Variants in KLF7 observed in about 807,000 individuals in gnomAD.
KLF7 encodes the protein KLF transcription factor 7, also known as Krueppel-like factor 7.
KLF7 carries 2 observed loss-of-function variants against 27.3 expected under a neutral mutation model. That is an observed-to-expected ratio of 0.07 (90% confidence interval 0.03 to 0.23). The LOEUF is 0.23. KLF7 is among the 10% of genes least tolerant of loss of function. The pLI, the probability that KLF7 is intolerant of heterozygous loss-of-function variation, is 1.00. For synonymous variants in KLF7, 165 were observed against 162.4 expected (o/e 1.02, Z -0.12); for missense variants, 221 against 394.1 (o/e 0.56, Z 3.72).
intron 2 of KLF7, among the ~76,000 whole-genome samples, chr2:207,106,952 A>C (rs1267324145): frequency 1.3e-5 from 2 of 152,108 alleles, no homozygotes; most frequent in African/African-American, 4.8e-5. Flanking sequence ...CAGCTTGGTC[A>C]CTTATAAGCT....
upstream of KLF7, among the ~76,000 whole-genome samples, chr2:207,167,643 TGTATGA>T (rs1021258352): frequency 5.9e-5 from 9 of 152,246 alleles, no homozygotes; most frequent in African/African-American, 9.6e-5. Context: ...TAGCATTCAT[TGTATGA>T]GTATAATTGG....
chr2:207,075,555 T>C lies in KLF7; in HGVS notation c.*5658A>G, dbSNP rs963942848. On this transcript the variant is annotated 3_prime_UTR_variant, in exon 4 of 4. Transcript: ENST00000309446. ...AGACACATCTGGCAAAAAGAAAATG[T>C]ATAGTGCAAAAATAAATTTATTCAA... The C allele has an allele frequency of 6.6e-6, 1 of 151,624 alleles. No individual in the cohort carries two copies. Among genetic ancestry groups the C allele is most frequent in the Non-Finnish European group, 1.5e-5 (1 of 67,960 alleles). The allele number at this position is 151,624 out of a possible 1,614,324, so 9.4% of individuals were successfully genotyped here.
At chr2:207,081,891 A>C (rs988456565) in intron 3 of KLF7, among the ~76,000 whole-genome samples, 1 of 150,294 alleles carries the variant, frequency 6.7e-6, no homozygotes, top group Non-Finnish European at 1.5e-5. Flanking sequence ...GGGTGCTCAC[A>C]GTTATTGAGT....
intron 2 of KLF7, among the ~76,000 whole-genome samples, chr2:207,105,431 A>G (rs1299657449): frequency 1.3e-5 from 2 of 152,214 alleles, no homozygotes; most frequent in African/African-American, 2.4e-5. Flanking sequence ...GGAGGGGAAC[A>G]TGGAAGCCCA....
At chr2:207,166,904 C>A, upstream of KLF7, 1 of 1,060,502 alleles carries the variant, frequency 9.4e-7, no homozygotes, top group Non-Finnish European at 1.2e-6. Flanking sequence ...TGCGCCCGCC[C>A]CCCGCTTGCG....
chr2:207,148,187 A>G (rs1241305565), intron 1 of KLF7, among the ~76,000 whole-genome samples: 1 of 152,216 alleles, frequency 6.6e-6, no homozygotes, highest in African/African-American at 2.4e-5. Flanking sequence ...GTGTTTTGTC[A>G]CATTCCTGAT....
chr2:207,079,710 A>C lies in KLF7; in HGVS notation c.*1503T>G, dbSNP rs1329029963. ...CAGAGTAAATGTGAGGCCTCTGTTAATCCTGGGGGTTCTAGGTCACAAGTC... is the reference window on the plus strand; with the variant it reads ...CAGAGTAAATGTGAGGCCTCTGTTACTCCTGGGGGTTCTAGGTCACAAGTC... On this transcript the variant is annotated 3_prime_UTR_variant, in exon 4 of 4. Coordinates refer to ENST00000309446, the MANE Select transcript of KLF7 (RefSeq NM_003709.4). The C allele has an allele frequency of 2.0e-5, 3 of 151,712 alleles. No individual in the cohort carries two copies. The highest frequency in any genetic ancestry group is 7.3e-5 in the African/African-American group (3 of 41,198). The allele number at this position is 151,712 out of a possible 1,614,324, so 9.4% of individuals were successfully genotyped here.
intron 2 of KLF7, among the ~76,000 whole-genome samples, chr2:207,091,193 A>T (rs1414512873): frequency 6.6e-6 from 1 of 152,202 alleles, no homozygotes; most frequent in Non-Finnish European, 1.5e-5. Flanking sequence ...ATTTTTTCCC[A>T]TTTCAAACTG....
chr2:207,166,192 T>G, upstream of KLF7: 2 of 985,444 alleles, frequency 2.0e-6, no homozygotes, highest in Non-Finnish European at 2.4e-6. Flanking sequence ...CGTGTGACCA[T>G]GTAAGGTAAA....
chr2:207,166,802 C>T (rs933619041), upstream of KLF7: 3 of 1,003,402 alleles, frequency 3.0e-6, no homozygotes, highest in Admixed American at 6.0e-5. Flanking sequence ...CCCGAACTCC[C>T]CACGGGCTGC....
At chr2:207,144,364 C>T (rs1313342881) in intron 1 of KLF7, among the ~76,000 whole-genome samples, 1 of 152,188 alleles carries the variant, frequency 6.6e-6, no homozygotes, top group Non-Finnish European at 1.5e-5. Flanking sequence ...CACTGTCAAT[C>T]ATTTTTCACT....
At chr2:207,088,937 AG>A (rs750601366) in intron 2 of KLF7, among the ~76,000 whole-genome samples, 1 of 152,184 alleles carries the variant, frequency 6.6e-6, no homozygotes, top group Non-Finnish European at 1.5e-5. Flanking sequence ...CCAGGCAGAA[AG>A]GAAATGTGCT....
chr2:207,083,404 G>A (rs1333749069), intron 3 of KLF7, among the ~76,000 whole-genome samples: 2 of 152,120 alleles, frequency 1.3e-5, no homozygotes, highest in African/African-American at 4.8e-5. Context: ...CATTCTGTTT[G>A]TAGGTATTTC....
At position 207,157,627 on chromosome 2, in the gene KLF7, C is replaced by T. The variant is rs551362518; in HGVS notation, c.102+7840G>A. Among the ~76,000 whole-genome samples the T allele has an allele frequency of 1.9e-4, 29 of 152,262 alleles. 2 individuals carry two copies. The highest frequency in any genetic ancestry group is 6.8e-3 in the Middle Eastern group (2 of 294). ...GAGCCATGAACAGTTTGAAAGCAGG[C>T]CACCTGGGGTGATGGTGGCAAAAAG... On this transcript the variant is annotated intron_variant, in intron 1 of 3. Coordinates refer to ENST00000309446, the MANE Select transcript of KLF7 (RefSeq NM_003709.4).
Position 207,115,008 on chromosome 2 carries a change from C to T in KLF7, c.733+8766G>A, listed in dbSNP as rs1468823891. 2.0e-5 allele frequency among the ~76,000 whole-genome samples: 3 copies of T among 152,136 alleles called. No individual in the cohort carries two copies. The East Asian group carries it at 5.8e-4, about 29-fold the overall frequency. ...AATGGAAACGGATACATTTTAAAGG[C>T]AGAAACAACAAAATAAGCCTAAGTA... On this transcript the variant is annotated intron_variant, in intron 2 of 3. Transcript: ENST00000309446.
chr2:207,109,103 T>C (rs889740579), intron 2 of KLF7, among the ~76,000 whole-genome samples: 2 of 152,250 alleles, frequency 1.3e-5, no homozygotes, highest in African/African-American at 4.8e-5. Flanking sequence ...ATCTAAAATA[T>C]GCAAATGCAG....
intron 2 of KLF7, among the ~76,000 whole-genome samples, 195 bp downstream of exon 2, chr2:207,123,556 GGTTGGCACTGTAGGGACAAACCC>G (rs1258356147): frequency 6.6e-6 from 1 of 152,160 alleles, no homozygotes; most frequent in Non-Finnish European, 1.5e-5. Flanking sequence ...TCTATGCTGT[GGTTGGCACTGTAGGGACAAACCC>G]GTCTGTGCTT....
chr2:207,159,568 T>C (rs1233448200), intron 1 of KLF7, among the ~76,000 whole-genome samples: 2 of 152,202 alleles, frequency 1.3e-5, no homozygotes, highest in African/African-American at 4.8e-5. Flanking sequence ...CCAAATACAG[T>C]ATTATGCACA....
At chr2:207,124,636 C>T (rs1415637209) in intron 1 of KLF7, among the ~76,000 whole-genome samples, 1 of 152,038 alleles carries the variant, frequency 6.6e-6, no homozygotes, top group Non-Finnish European at 1.5e-5. Context: ...GAACAAGAGC[C>T]CCAGAAGGAC....
Sources: allele counts gnomAD v4.1 joint callset (sites outside exome capture counted in the v4.1 genomes callset), GRCh38; gene constraint gnomAD v4.1.1; transcripts MANE v1.5; gene names NCBI Gene and HGNC (gene_info 2026-07-23, HGNC 2026-07-21).